USP37: variants seen among roughly 807,000 people sequenced by gnomAD.
USP37 encodes ubiquitin specific peptidase 37, also known as ubiquitin carboxyl-terminal hydrolase 37.
USP37 carries 27 observed loss-of-function variants against 124.0 expected under a neutral mutation model. The observed-to-expected ratio is 0.22, with a 90% CI of 0.16 to 0.30. The LOEUF (loss-of-function observed/expected upper bound fraction) is 0.30. Among genes scored for constraint, USP37 ranks in the 10% least tolerant of loss-of-function variants. The probability of loss-of-function intolerance (pLI) is 1.00; values close to 1 mark genes in which losing one functional copy is unlikely to be tolerated. For synonymous variants in USP37, 365 were observed against 388.0 expected, an observed-to-expected ratio of 0.94 and a Z score of 0.70; for missense variants, 889 against 1,140.4, an observed-to-expected ratio of 0.78 and a Z score of 3.17.
At chr2:218,479,136 G>A (rs1691119117) in intron 18 of USP37, among the ~76,000 whole-genome samples, 1 of 152,174 alleles carries the variant, frequency 6.6e-6, no homozygotes. Flanking sequence ...CTTGGATAAA[G>A]TTTGGTCTTA....
At chr2:218,475,071 A>G (rs1690892673) in intron 19 of USP37, 186 bp from the exon 20 acceptor site, 1 of 458,122 alleles carries the variant, frequency 2.2e-6, no homozygotes, top group Non-Finnish European at 3.7e-6. Flanking sequence ...ATAAATACAT[A>G]AGAATACATT....
chr2:218,510,124 G>A lies in USP37; in HGVS notation c.880C>T (p.Gln294Ter). 6.2e-7 allele frequency: 1 copy of A among 1,609,478 alleles called. No individual in the cohort carries two copies. The highest frequency in any genetic ancestry group is 8.5e-7 in the Non-Finnish European group (1 of 1,179,080). The change falls in exon 11 of 26, where the codon CAG (glutamine) becomes TAG (stop). Residue 294 changes from glutamine (Q) to a stop codon, truncating the protein, a stop_gained. Transcript: ENST00000258399. LOFTEE classifies it high-confidence loss of function. Reference protein sequence around the residue: ...TNLDRTNVSSQTPSAKRSLGF... With the variant: ...TNLDRTNVSS ...AAACTTCTTTTGGCAGAGGGAGTCT[G>A]GCTTGAAACATTAGTCCTACAAAAA...
chr2:218,483,925 G>A (rs933373158), intron 16 of USP37, among the ~76,000 whole-genome samples: 1 of 152,124 alleles, frequency 6.6e-6, no homozygotes, highest in African/African-American at 2.4e-5. Context: ...TGAGGAGGCC[G>A]AGGCGGCCAC....
At chr2:218,469,490 G>A (rs1574846837) in intron 20 of USP37, among the ~76,000 whole-genome samples, 2 of 152,156 alleles carry the variant, frequency 1.3e-5, no homozygotes. Flanking sequence ...TATAAAATGA[G>A]TATTATTATT....
chr2:218,479,543 C>T (rs369896929), intron 18 of USP37, 107 bp downstream of exon 18: 3 of 910,098 alleles, frequency 3.3e-6, no homozygotes, highest in South Asian at 1.4e-5. Context: ...AGAGCATTAT[C>T]ATGCAAAAAG....
Position 218,466,067 on chromosome 2 carries a change from C to T in USP37, c.2409G>A (p.Glu803=). 6.2e-7 allele frequency: 1 copy of T among 1,613,854 alleles called. No homozygotes were observed. Reference sequence around the variant, plus strand: ...GAAGCTCTTGCTCTTCCCTTTCACGCTCCATATCATACTGCTGGAGCCAAT... The same window carrying T: ...GAAGCTCTTGCTCTTCCCTTTCACGTTCCATATCATACTGCTGGAGCCAAT... The part of the protein sequence containing the change: ...EVDWLQQYDM[E]REREEQELQQ... Residue 803 remains glutamate (E), a synonymous_variant, in exon 21 of 26, where the codon GAG becomes GAA. Transcript: ENST00000258399.
At chr2:218,485,517 C>G in intron 16 of USP37, 147 bp downstream of exon 16, 1 of 945,882 alleles carries the variant, frequency 1.1e-6, no homozygotes, top group Non-Finnish European at 1.5e-6. Context: ...TTCAGCTTTC[C>G]TGACCCTCTT....
In USP37 at chr2:218,547,449, C is replaced by T. The variant is rs1316778509; in HGVS notation, c.430-358G>A. 2.6e-5 allele frequency among the ~76,000 whole-genome samples: 4 copies of T among 151,912 alleles called. No individual in the cohort carries two copies. The East Asian group carries it at 7.7e-4, about 29-fold the overall frequency. ...TTGTTTGTTGTTGTTTTTAAAAGCACTCCAGGTGATTCTAATGTACAGTCA... is the reference window on the plus strand; with the variant it reads ...TTGTTTGTTGTTGTTTTTAAAAGCATTCCAGGTGATTCTAATGTACAGTCA... On this transcript the variant is annotated intron_variant, in intron 6 of 25. Transcript: ENST00000258399.
At chr2:218,511,232 C>T (rs780539008) in intron 10 of USP37, among the ~76,000 whole-genome samples, 3 of 152,160 alleles carry the variant, frequency 2.0e-5, no homozygotes, top group South Asian at 4.1e-4. Context: ...CTCCACCTCC[C>T]GGTTTCAAGC....
At chr2:218,497,487 G>C (rs1335679855) in intron 13 of USP37, among the ~76,000 whole-genome samples, 1 of 151,722 alleles carries the variant, frequency 6.6e-6, no homozygotes, top group Non-Finnish European at 1.5e-5. Flanking sequence ...TCTGCCTCCC[G>C]GGTTCAAGCA....
chr2:218,468,608 C>G (rs1191626050), intron 20 of USP37, among the ~76,000 whole-genome samples: 1 of 152,164 alleles, frequency 6.6e-6, no homozygotes, highest in Non-Finnish European at 1.5e-5. Flanking sequence ...ATTTAACTGG[C>G]TAACGAGAAT....
chr2:218,555,207 A>G (rs780645796), intron 4 of USP37, among the ~76,000 whole-genome samples: 1 of 152,208 alleles, frequency 6.6e-6, no homozygotes, highest in Non-Finnish European at 1.5e-5. Context: ...CTCAGCAGGC[A>G]TATATAAAAG....
rs66581703 is a variant in USP37, at chr2:218,488,175, CAAAAAAAAAA to C, written c.1590+119_1590+128del. ...AGGGTGACAAAGTGAGACCCTGTCT[CAAAAAAAAAA>C]AAAAAAAAAAAAGAAAAGAAAAGAA... On this transcript the variant is annotated intron_variant, in intron 15 of 25. Coordinates refer to ENST00000258399, the MANE Select transcript of USP37 (RefSeq NM_020935.3). The C allele has an allele frequency of 8.6e-5, 30 of 349,884 alleles. No homozygotes were observed. The African/African-American group carries it at 8.6e-4, about 10-fold the overall frequency. The allele number at this position is 349,884 out of a possible 1,614,324, so 21.7% of individuals were successfully genotyped here.
intron 14 of USP37, 29 bp from the exon 15 acceptor site, chr2:218,488,450 A>G (rs374085317): frequency 2.8e-6 from 4 of 1,439,654 alleles, no homozygotes; most frequent in Non-Finnish European, 3.8e-6. Context: ...ACATGTAAGC[A>G]TTTAGACCAA....
At chr2:218,467,397 G>A (rs910293818) in intron 20 of USP37, among the ~76,000 whole-genome samples, 1 of 151,916 alleles carries the variant, frequency 6.6e-6, no homozygotes, top group Non-Finnish European at 1.5e-5. Context: ...TGCTCAGGCT[G>A]GAGTGCAGTG....
chr2:218,530,110 A>C, intron 9 of USP37, 70 bp from the exon 10 acceptor site: 2 of 1,135,548 alleles, frequency 1.8e-6, no homozygotes, highest in Non-Finnish European at 2.6e-6. Context: ...TAATAATAAA[A>C]GTATACATTA....
intron 11 of USP37, among the ~76,000 whole-genome samples, chr2:218,503,946 A>G (rs1179879567): frequency 6.6e-6 from 1 of 152,236 alleles, no homozygotes; most frequent in Admixed American, 6.5e-5. Flanking sequence ...TTCAACCATC[A>G]ATTTAGACTG....
chr2:218,560,470 G>A (rs1328833513), intron 3 of USP37, among the ~76,000 whole-genome samples: 1 of 152,174 alleles, frequency 6.6e-6, no homozygotes, highest in African/African-American at 2.4e-5. Flanking sequence ...TCAGCAGACA[G>A]CAGTAATTAA....
At position 218,491,378 on chromosome 2, in the gene USP37, C is replaced by G. The variant is rs559033294; in HGVS notation, c.1473-2957G>C. ...CTAGCAAGAAAATGAGGATCTCAGT[C>G]CTATAACCATAGGATCTGAATTCTA... On this transcript the variant is annotated intron_variant, in intron 14 of 25. Transcript: ENST00000258399. Among the ~76,000 whole-genome samples the G allele has an allele frequency of 3.3e-5, 5 of 152,258 alleles. No homozygotes were observed. In the South Asian group the frequency reaches 6.2e-4, roughly 19 times the overall value.
Sources: gnomAD v4.1 joint callset for allele counts (sites outside exome capture counted in the v4.1 genomes callset) on GRCh38, gnomAD v4.1.1 for gene constraint, MANE v1.5 for transcripts, NCBI Gene and HGNC (gene_info 2026-07-23, HGNC 2026-07-21) for gene names.